CCDC148: variants seen among roughly 807,000 people sequenced by gnomAD.
The protein encoded by CCDC148 is coiled-coil domain-containing protein 148.
In CCDC148, 89 loss-of-function variants were observed where a neutral mutation model predicts 85.7. The ratio of observed to expected loss-of-function variants is 1.04; its 90% CI spans 0.87 to 1.24. The LOEUF (loss-of-function observed/expected upper bound fraction) is 1.24, where lower values mean the gene tolerates loss of function less well. Among genes scored for constraint, CCDC148 ranks in the 50% most tolerant of loss-of-function variants. CCDC148 has a pLI of 0.00. For missense variants in CCDC148, 692 were observed against 671.7 expected (o/e 1.03, Z -0.33); for synonymous variants, 230 against 213.9 (o/e 1.08, Z -0.66).
intron 7 of CCDC148, among the ~76,000 whole-genome samples, chr2:158,329,930 G>C (rs79470106): frequency 0.17 from 25,494 of 151,972 alleles, 3,415 homozygotes; most frequent in African/African-American, 0.38. Flanking sequence ...GGGTTTTCTA[G>C]ATATAAAATA....
chr2:158,298,783 TTTTC>T (rs1691312293), intron 9 of CCDC148, among the ~76,000 whole-genome samples: 2 of 152,232 alleles, frequency 1.3e-5, no homozygotes, highest in Admixed American at 1.3e-4. Context: ...TTTACTTCTA[TTTTC>T]TTTAACAAAT....
chr2:158,361,624 T>C (rs998288765), intron 1 of CCDC148, among the ~76,000 whole-genome samples: 1 of 152,150 alleles, frequency 6.6e-6, no homozygotes, highest in Admixed American at 6.5e-5. Flanking sequence ...AAGCAAATGC[T>C]GAGAGATTTT....
Position 158,313,770 on chromosome 2 carries a change from A to T in CCDC148, c.889T>A (p.Ser297Thr). Residue 297 changes from serine to threonine, a missense_variant, in exon 8 of 14, where the codon TCT becomes ACT. Physicochemically the swap from Ser to Thr is moderately conservative, Grantham distance 58. Transcript: ENST00000283233. Reference sequence around the variant, plus strand: ...CCAGTACTCACCAAATCATGCCTAGATTTGTGAGGAAAATATCTTTGTAAC... The same window carrying T: ...CCAGTACTCACCAAATCATGCCTAGTTTTGTGAGGAAAATATCTTTGTAAC... ...DMLQRYFPHK[S>T]RHDLVEHEKY... 6.2e-7 allele frequency: 1 copy of T among 1,613,770 alleles called. No homozygotes were observed. The highest frequency in any genetic ancestry group is 8.5e-7 in the Non-Finnish European group (1 of 1,179,848).
At position 158,419,481 on chromosome 2, in the gene CCDC148, T is replaced by C. The variant is rs189919916; in HGVS notation, c.25+36934A>G. Among the ~76,000 whole-genome samples, 106 of 152,320 alleles carry C rather than the reference T, an allele frequency of 7.0e-4. 1 individual carries two copies. Among genetic ancestry groups the C allele is most frequent in the Non-Finnish European group, 1.3e-3 (89 of 68,026 alleles). Reference sequence around the variant, plus strand: ...GAAGGGTATATATTGGTTTTGGTACTTCAGAGATCCTGGCCTTGCCACTTA... The same window carrying C: ...GAAGGGTATATATTGGTTTTGGTACCTCAGAGATCCTGGCCTTGCCACTTA... On this transcript the variant is annotated intron_variant, in intron 1 of 13. Transcript: ENST00000283233.
chr2:158,340,661 T>A lies in CCDC148; in HGVS notation c.271A>T (p.Ile91Leu), dbSNP rs769845561. The change falls in exon 4 of 14, where the codon ATA becomes TTA. Residue 91 changes from isoleucine to leucine, a missense_variant. Ile to Leu is a conservative substitution (Grantham distance 5). Coordinates refer to ENST00000283233, the MANE Select transcript of CCDC148 (RefSeq NM_138803.4). The part of the protein sequence containing the change: ...NEVRCKMESE[I>L]KSLLNEENIG... ...TTCTCTTCATTGAGAAGGGATTTTA[T>A]TTCAGATTCCATTTTACATCTGAAA... The A allele has an allele frequency of 1.9e-6, 3 of 1,578,098 alleles. No individual in the cohort carries two copies. The highest frequency in any genetic ancestry group is 3.5e-5 in the Admixed American group (2 of 57,870).
intron 1 of CCDC148, among the ~76,000 whole-genome samples, chr2:158,434,874 T>C (rs1687562059): frequency 6.6e-6 from 1 of 152,122 alleles, no homozygotes; most frequent in African/African-American, 2.4e-5. Context: ...AGAAAGGGTA[T>C]CAGTGATTGA....
Position 158,331,830 on chromosome 2 carries a change from C to T in CCDC148, c.764+6896G>A, listed in dbSNP as rs144612805. On this transcript the variant is annotated intron_variant, in intron 7 of 13. Transcript: ENST00000283233. The stretch of plus-strand genomic sequence containing the variant: ...TTTATCAGAGACTAGGATTGCAACA[C>T]CTGCCTTTTTCTGTTTTCCATTTGC... Among the ~76,000 whole-genome samples the T allele has an allele frequency of 8.1e-3, 1,231 of 152,224 alleles. 17 individuals are homozygous for T. Among genetic ancestry groups the T allele is most frequent in the African/African-American group, 0.028 (1,156 of 41,534 alleles).
chr2:158,349,079 A>G (rs1683135405), intron 2 of CCDC148, among the ~76,000 whole-genome samples: 1 of 152,032 alleles, frequency 6.6e-6, no homozygotes. Context: ...GAAATTGTGC[A>G]TGATCAATGA....
chr2:158,191,535 C>T (rs1187896952), intron 11 of CCDC148, among the ~76,000 whole-genome samples: 1 of 151,814 alleles, frequency 6.6e-6, no homozygotes, highest in East Asian at 1.9e-4. Context: ...TCTAATCCCC[C>T]CAAGTAAAAT....
chr2:158,267,020 C>T (rs1464908506), intron 9 of CCDC148, among the ~76,000 whole-genome samples: 2 of 151,482 alleles, frequency 1.3e-5, no homozygotes, highest in Non-Finnish European at 2.9e-5. Flanking sequence ...AAATTATACC[C>T]ACATTCTTAA....
intron 10 of CCDC148, among the ~76,000 whole-genome samples, chr2:158,227,126 A>G (rs1297048307): frequency 6.6e-6 from 1 of 152,184 alleles, no homozygotes. Flanking sequence ...TACAAAATCA[A>G]TGTACAAAAA....
intron 9 of CCDC148, among the ~76,000 whole-genome samples, chr2:158,259,327 C>T (rs116577427): frequency 0.01 from 1,579 of 151,856 alleles, 23 homozygotes; most frequent in African/African-American, 0.036. Context: ...GCCTGTTTCC[C>T]CACTCGACTG....
intron 9 of CCDC148, among the ~76,000 whole-genome samples, chr2:158,275,804 A>G (rs1457566157): frequency 1.3e-5 from 2 of 152,074 alleles, no homozygotes; most frequent in Non-Finnish European, 2.9e-5. Flanking sequence ...GATGACTCTG[A>G]AAAAGTATAT....
chr2:158,402,314 C>T (rs1018284914), intron 1 of CCDC148, among the ~76,000 whole-genome samples: 1 of 151,898 alleles, frequency 6.6e-6, no homozygotes, highest in Admixed American at 6.6e-5. Flanking sequence ...CATCATTCAC[C>T]ACATACTTTC....
chr2:158,325,721 G>A lies in CCDC148; in HGVS notation c.765-11827C>T, dbSNP rs187825961. 8.5e-5 allele frequency among the ~76,000 whole-genome samples: 13 copies of A among 152,190 alleles called. No homozygotes were observed. In the East Asian group the frequency reaches 2.3e-3, roughly 27 times the overall value. Reference sequence around the variant, plus strand: ...ACAGCCAAAGCTTGCTTCACATACGGTGTTCCCCATCTAAGTTGATGGCAA... The same window carrying A: ...ACAGCCAAAGCTTGCTTCACATACGATGTTCCCCATCTAAGTTGATGGCAA... On this transcript the variant is annotated intron_variant, in intron 7 of 13. Transcript: ENST00000283233.
At chr2:158,450,015 A>G (rs947678246) in intron 1 of CCDC148, among the ~76,000 whole-genome samples, 5 of 151,696 alleles carry the variant, frequency 3.3e-5, no homozygotes, top group African/African-American at 1.2e-4. Flanking sequence ...TATTTTAAAA[A>G]TTAACTACAG....
At chr2:158,318,774 C>CT (rs1189714324) in intron 7 of CCDC148, among the ~76,000 whole-genome samples, 5 of 133,460 alleles carry the variant, frequency 3.7e-5, no homozygotes, top group African/African-American at 1.1e-4. Context: ...TAGCCTTTTA[C>CT]TGTTTTTTTT....
intron 1 of CCDC148, among the ~76,000 whole-genome samples, chr2:158,420,310 T>G (rs2105322357): frequency 6.7e-6 from 1 of 150,346 alleles, no homozygotes; most frequent in East Asian, 2.0e-4. Context: ...ATTCACCAAA[T>G]GTAAAAATGT....
intron 13 of CCDC148, among the ~76,000 whole-genome samples, chr2:158,175,329 CA>C (rs1684526266): frequency 2.2e-5 from 1 of 45,872 alleles, no homozygotes; most frequent in Non-Finnish European, 4.6e-5. Flanking sequence ...TCCTCCCCCA[CA>C]ACCTATTTTT....
Sources: allele counts gnomAD v4.1 joint callset (sites outside exome capture counted in the v4.1 genomes callset), GRCh38; gene constraint gnomAD v4.1.1; transcripts MANE v1.5; gene names NCBI Gene and HGNC (gene_info 2026-07-23, HGNC 2026-07-21).